The following MGAT4C variants were observed in gnomAD, a reference collection of about 807,000 sequenced individuals.
The protein encoded by MGAT4C is alpha-1,3-mannosyl-glycoprotein 4-beta-N-acetylglucosaminyltransferase C.
In MGAT4C, 19 loss-of-function variants were observed where a neutral mutation model predicts 40.1. The ratio of observed to expected loss-of-function variants is 0.47; its 90% confidence interval spans 0.33 to 0.70. The LOEUF is 0.70. MGAT4C is among the 30% of genes least tolerant of loss of function. MGAT4C has a pLI of 0.02. For missense variants in MGAT4C, 491 were observed against 563.2 expected (o/e 0.87, Z 1.30); for synonymous variants, 181 against 187.1 (o/e 0.97, Z 0.27).
At chr12:86,315,488 G>A (rs1210339371) in intron 4 of MGAT4C, among the ~76,000 whole-genome samples, 1 of 152,020 alleles carries the variant, frequency 6.6e-6, no homozygotes, top group Non-Finnish European at 1.5e-5. Context: ...GGATCACGAG[G>A]TAAGGAGATC....
intron 1 of MGAT4C, among the ~76,000 whole-genome samples, chr12:86,254,954 G>C (rs1441632844): frequency 6.6e-6 from 1 of 152,034 alleles, no homozygotes; most frequent in Non-Finnish European, 1.5e-5. Flanking sequence ...AAGACACAGA[G>C]TGTGACATAG....
In MGAT4C at chr12:86,563,879, G is replaced by GTTT. The variant is rs758060919; in HGVS notation, c.-228-128615_-228-128614insAAA. On this transcript the variant is annotated intron_variant, in intron 2 of 7. Transcript: ENST00000548651. ...GACTCATCCTGTGGTCATTTCCCCAGTGCCAGAATGCATAATTGGCACTGA... is the reference window on the plus strand; with the variant it reads ...GACTCATCCTGTGGTCATTTCCCCAGTTTTGCCAGAATGCATAATTGGCACTGA... Among the ~76,000 whole-genome samples, 7 of 152,270 alleles carry GTTT rather than the reference G, an allele frequency of 4.6e-5. No homozygotes were observed. In the South Asian group the frequency reaches 1.2e-3, roughly 27 times the overall value.
At chr12:86,544,064 T>C (rs1314912324) in intron 2 of MGAT4C, among the ~76,000 whole-genome samples, 1 of 152,174 alleles carries the variant, frequency 6.6e-6, no homozygotes, top group Non-Finnish European at 1.5e-5. Context: ...TTCAGAATCA[T>C]TAGTTGATTC....
intron 2 of MGAT4C, among the ~76,000 whole-genome samples, chr12:86,547,822 GTGAAGA>G (rs1959205829): frequency 6.6e-6 from 1 of 152,196 alleles, no homozygotes; most frequent in South Asian, 2.1e-4. Context: ...TTCCCTATTT[GTGAAGA>G]TGCAAAATTT....
chr12:86,642,505 T>A (rs1474681046), intron 2 of MGAT4C, among the ~76,000 whole-genome samples: 1 of 151,838 alleles, frequency 6.6e-6, no homozygotes, highest in Non-Finnish European at 1.5e-5. Context: ...TTATTAATGT[T>A]GCTAAGTAAA....
intron 1 of MGAT4C, among the ~76,000 whole-genome samples, chr12:86,760,969 G>A (rs938960004): frequency 1.6e-4 from 24 of 152,110 alleles, no homozygotes; most frequent in African/African-American, 5.8e-4. Context: ...AAAGATACAA[G>A]GTAACTTTTG....
At chr12:86,551,406 T>A (rs115855562) in intron 2 of MGAT4C, among the ~76,000 whole-genome samples, 158 of 151,956 alleles carry the variant, frequency 1.0e-3, no homozygotes, top group African/African-American at 3.6e-3. Flanking sequence ...CAGGCCAGAC[T>A]GGTAGAAACA....
chr12:86,519,268 G>A (rs1958749899), intron 2 of MGAT4C, among the ~76,000 whole-genome samples: 2 of 152,130 alleles, frequency 1.3e-5, no homozygotes, highest in Admixed American at 6.5e-5. Flanking sequence ...ACATTCCATT[G>A]TGTATACATA....
chr12:86,242,768 C>T (rs2471565), intron 1 of MGAT4C, among the ~76,000 whole-genome samples: 135,746 of 152,016 alleles, frequency 0.89, 60,827 homozygotes, highest in East Asian at 1. Context: ...CATAAGGCAC[C>T]AATCCCCCAC....
At chr12:86,370,864 G>C (rs1054223752) in intron 3 of MGAT4C, among the ~76,000 whole-genome samples, 2 of 152,052 alleles carry the variant, frequency 1.3e-5, no homozygotes, top group African/African-American at 4.8e-5. Flanking sequence ...ACATAAATAA[G>C]GCTGCATCAC....
chr12:86,227,443 C>T (rs750792856), intron 1 of MGAT4C, among the ~76,000 whole-genome samples: 1 of 151,856 alleles, frequency 6.6e-6, no homozygotes, highest in South Asian at 2.1e-4. Context: ...TCCTTCAGTT[C>T]AGCACTTCAA....
chr12:86,732,533 G>A (rs957154908), intron 1 of MGAT4C, among the ~76,000 whole-genome samples: 1 of 152,130 alleles, frequency 6.6e-6, no homozygotes, highest in African/African-American at 2.4e-5. Flanking sequence ...TCAGGCATTA[G>A]ATTCTCATAA....
chr12:86,197,276 T>C (rs994378926), intron 1 of MGAT4C, among the ~76,000 whole-genome samples: 2 of 152,252 alleles, frequency 1.3e-5, no homozygotes, highest in Non-Finnish European at 2.9e-5. Flanking sequence ...TTCTCTAAGA[T>C]GAGACATTTT....
intron 2 of MGAT4C, among the ~76,000 whole-genome samples, chr12:86,538,061 T>C (rs371166396): frequency 6.6e-6 from 1 of 152,158 alleles, no homozygotes; most frequent in East Asian, 1.9e-4. Flanking sequence ...CACTCCAGCC[T>C]GGGCAACAGA....
chr12:86,235,164 G>T (rs1951480663), intron 1 of MGAT4C, among the ~76,000 whole-genome samples: 1 of 151,774 alleles, frequency 6.6e-6, no homozygotes, highest in Non-Finnish European at 1.5e-5. Context: ...CATGAACTCC[G>T]GGTCTATAGA....
At chr12:86,442,219 A>G (rs1228719801) in intron 2 of MGAT4C, among the ~76,000 whole-genome samples, 1 of 152,004 alleles carries the variant, frequency 6.6e-6, no homozygotes, top group Non-Finnish European at 1.5e-5. Context: ...AATTTCTGTG[A>G]GTTCTTTGTA....
intron 1 of MGAT4C, among the ~76,000 whole-genome samples, chr12:86,807,927 C>T (rs1000519129): frequency 6.6e-6 from 1 of 152,142 alleles, no homozygotes; most frequent in Non-Finnish European, 1.5e-5. Context: ...TGAATGTCTT[C>T]TTTTGAGAAA....
chr12:86,096,034 CTT>C (rs1225109508), intron 1 of MGAT4C, among the ~76,000 whole-genome samples: 2 of 151,806 alleles, frequency 1.3e-5, no homozygotes, highest in African/African-American at 4.8e-5. Context: ...CTTGAATCAA[CTT>C]TGGCTAGTTA....
At chr12:86,092,308 G>A (rs560679865) in intron 1 of MGAT4C, among the ~76,000 whole-genome samples, 5 of 152,028 alleles carry the variant, frequency 3.3e-5, no homozygotes, top group Non-Finnish European at 7.4e-5. Context: ...ATATATCTTG[G>A]AAGGAGCTGG....
Sources: gnomAD v4.1 joint callset for allele counts (sites outside exome capture counted in the v4.1 genomes callset) on GRCh38, gnomAD v4.1.1 for gene constraint, MANE v1.5 for transcripts, NCBI Gene and HGNC (gene_info 2026-07-23, HGNC 2026-07-21) for gene names.